Variants in GYS2 observed in about 807,000 individuals in gnomAD.
GYS2 encodes glycogen synthase 2.
GYS2 carries 80 observed loss-of-function variants against 85.6 expected under a neutral mutation model. The ratio of observed to expected loss-of-function variants is 0.93; its 90% confidence interval spans 0.78 to 1.13. The LOEUF is 1.13. Ranked by LOEUF, GYS2 falls within the 50% of genes most tolerant of loss-of-function variation. GYS2 has a pLI of 0.00. For synonymous variants in GYS2, 328 were observed against 300.7 expected (o/e 1.09, Z -0.94); for missense variants, 881 against 854.9 (o/e 1.03, Z -0.38).
rs995001844 is a variant in GYS2, at chr12:21,542,215, T to C, written c.1645+281A>G. 2.1e-5 allele frequency among the ~76,000 whole-genome samples: 3 copies of C among 145,024 alleles called. No individual in the cohort carries two copies. The East Asian group carries it at 5.8e-4, about 28-fold the overall frequency. On this transcript the variant is annotated intron_variant, in intron 13 of 15. Coordinates refer to ENST00000261195, the MANE Select transcript of GYS2 (RefSeq NM_021957.4). ...GGCGTGCACCACCATACTTGGCTAA[T>C]TTTTTTGTATTTTTAGTAGAGATGG...
intron 1 of GYS2, among the ~76,000 whole-genome samples, chr12:21,592,729 T>C (rs373764033): frequency 5.9e-5 from 9 of 152,068 alleles, no homozygotes; most frequent in African/African-American, 1.9e-4. Context: ...AGATAGATCA[T>C]CTAGACAGAA....
intron 1 of GYS2, among the ~76,000 whole-genome samples, chr12:21,599,461 A>T (rs982928360): frequency 2.6e-5 from 4 of 152,258 alleles, no homozygotes; most frequent in African/African-American, 9.6e-5. Flanking sequence ...TTTGAACAAG[A>T]CCACCTGCAC....
At chr12:21,581,417 A>T (rs748772622) in intron 1 of GYS2, among the ~76,000 whole-genome samples, 2 of 152,190 alleles carry the variant, frequency 1.3e-5, no homozygotes, top group Non-Finnish European at 2.9e-5. Flanking sequence ...TCTGATGACC[A>T]GTGCATGCAG....
chr12:21,534,524 A>C (rs1407899239), downstream of GYS2, among the ~76,000 whole-genome samples: 1 of 152,128 alleles, frequency 6.6e-6, no homozygotes, highest in East Asian at 1.9e-4. Context: ...TCAAAAAGAA[A>C]AAGAAAAAGA....
chr12:21,539,367 A>G, intron 14 of GYS2, 29 bp from the exon 15 acceptor site: 1 of 1,222,464 alleles, frequency 8.2e-7, no homozygotes, highest in Non-Finnish European at 1.2e-6. Flanking sequence ...ATCACAGGTT[A>G]ATAAAAACCC....
chr12:21,565,937 CACTATTAATG>C (rs1944315514), intron 5 of GYS2, among the ~76,000 whole-genome samples: 1 of 152,066 alleles, frequency 6.6e-6, no homozygotes, highest in Non-Finnish European at 1.5e-5. Context: ...ATAATTGCAA[CACTATTAATG>C]ACTATATTAA....
intron 1 of GYS2, among the ~76,000 whole-genome samples, chr12:21,595,372 C>T (rs1214076789): frequency 2.6e-5 from 4 of 152,174 alleles, no homozygotes; most frequent in Non-Finnish European, 5.9e-5. Flanking sequence ...AAGGGAGATC[C>T]TCCTCTCCTA....
chr12:21,578,573 T>A (rs1307224074), intron 2 of GYS2, among the ~76,000 whole-genome samples: 1 of 152,192 alleles, frequency 6.6e-6, no homozygotes, highest in Non-Finnish European at 1.5e-5. Context: ...TTCTTGAACT[T>A]CCCTAGTTTC....
At chr12:21,563,745 C>G (rs192346414) in intron 5 of GYS2, among the ~76,000 whole-genome samples, 1 of 152,134 alleles carries the variant, frequency 6.6e-6, no homozygotes, top group African/African-American at 2.4e-5. Context: ...TCTGCATTTT[C>G]AGAGGTGGAA....
chr12:21,571,003 A>G (rs1003149789), intron 4 of GYS2, among the ~76,000 whole-genome samples: 3 of 152,250 alleles, frequency 2.0e-5, no homozygotes, highest in Non-Finnish European at 4.4e-5. Flanking sequence ...AGCCATTGTT[A>G]TTATTAATTA....
chr12:21,591,615 G>A (rs1944639879), intron 1 of GYS2, among the ~76,000 whole-genome samples: 1 of 152,178 alleles, frequency 6.6e-6, no homozygotes, highest in East Asian at 1.9e-4. Context: ...AGCAAGAAAT[G>A]TAGACATCCA....
rs1944789110 is a variant in GYS2, at chr12:21,604,787, C to T, written c.-195G>A. On this transcript the variant is annotated 5_prime_UTR_variant, in exon 1 of 16. Transcript: ENST00000261195. ...TTCCTGGTGGAAGGAGGAATTCTTC[C>T]TCCTCTTTCTCGTCTTTCTGGGCAG... The T allele has an allele frequency of 1.5e-6, 2 of 1,369,990 alleles. No individual in the cohort carries two copies. Among genetic ancestry groups the T allele is most frequent in the African/African-American group, 1.5e-5 (1 of 67,970 alleles). 84.9% of individuals were successfully genotyped at this position (1,369,990 alleles called of 1,614,324 possible).
At chr12:21,599,347 C>T (rs1168007258) in intron 1 of GYS2, among the ~76,000 whole-genome samples, 3 of 152,138 alleles carry the variant, frequency 2.0e-5, no homozygotes, top group African/African-American at 7.2e-5. Context: ...TTAGGTGCTA[C>T]TTGTGACAAA....
intron 15 of GYS2, 81 bp downstream of exon 15, chr12:21,539,177 A>G: frequency 3.7e-6 from 3 of 810,650 alleles, no homozygotes; most frequent in Non-Finnish European, 6.4e-6. Flanking sequence ...TTGTGTGCAT[A>G]GCTACTTCCA....
chr12:21,593,145 A>G (rs1249887260), intron 1 of GYS2, among the ~76,000 whole-genome samples: 2 of 151,966 alleles, frequency 1.3e-5, no homozygotes, highest in Admixed American at 1.3e-4. Flanking sequence ...GCTAAGAGAG[A>G]AGCTTATCAA....
At chr12:21,569,643 T>C (rs1306221578) in intron 4 of GYS2, among the ~76,000 whole-genome samples, 1 of 152,210 alleles carries the variant, frequency 6.6e-6, no homozygotes, top group African/African-American at 2.4e-5. Flanking sequence ...GGCAACAGTG[T>C]GGGCTTTTGC....
chr12:21,584,964 T>C (rs1944556710), intron 1 of GYS2, among the ~76,000 whole-genome samples: 1 of 152,198 alleles, frequency 6.6e-6, no homozygotes, highest in African/African-American at 2.4e-5. Context: ...GAATGGCCTT[T>C]TGAAGTCACG....
At chr12:21,537,699 A>T (rs181425411) in intron 15 of GYS2, among the ~76,000 whole-genome samples, 3 of 152,226 alleles carry the variant, frequency 2.0e-5, no homozygotes, top group African/African-American at 7.2e-5. Flanking sequence ...CCTGGAAGTC[A>T]GGTCACTTAA....
At chr12:21,538,875 G>A (rs1206964224) in intron 15 of GYS2, among the ~76,000 whole-genome samples, 1 of 152,160 alleles carries the variant, frequency 6.6e-6, no homozygotes, top group African/African-American at 2.4e-5. Flanking sequence ...TCCTCCTGGG[G>A]TGCTGAACTT....
Sources: allele counts gnomAD v4.1 joint callset (sites outside exome capture counted in the v4.1 genomes callset), GRCh38; gene constraint gnomAD v4.1.1; transcripts MANE v1.5; gene names NCBI Gene and HGNC (gene_info 2026-07-23, HGNC 2026-07-21).